GALNT18: variants seen among roughly 807,000 people sequenced by gnomAD.
The protein encoded by GALNT18 is GalNAc-transferase 18.
A neutral mutation model predicts 69.5 loss-of-function variants in GALNT18; 44 were observed. That is an observed-to-expected ratio of 0.63 (90% CI 0.50 to 0.81). The LOEUF (loss-of-function observed/expected upper bound fraction) is 0.81. Ranked by LOEUF, GALNT18 falls within the 40% of genes least tolerant of loss-of-function variation. The probability of loss-of-function intolerance (pLI) is 0.00; values close to 1 mark genes in which losing one functional copy is unlikely to be tolerated. For missense variants in GALNT18, 715 were observed against 810.0 expected (o/e 0.88, Z 1.42); for synonymous variants, 364 against 318.2 (o/e 1.14, Z -1.53).
chr11:11,377,387 G>T lies in GALNT18; in HGVS notation c.780-8C>A. On this transcript the variant is annotated splice_region_variant and splice_polypyrimidine_tract_variant and intron_variant, in intron 4 of 10. Transcript: ENST00000227756. This position sits in a 1 kb window ranked among gnomAD's most constrained non-coding sequence, Gnocchi z 4.6. ...GTGAGTACAGGTTCAGCCCTGGGCA[G>T]AGAGGAGACAGCCAGAGAGGGTAAC... 1 of 1,613,364 alleles carries T rather than the reference G, an allele frequency of 6.2e-7. No homozygotes were observed. The highest frequency in any genetic ancestry group is 1.1e-5 in the South Asian group (1 of 91,030).
chr11:11,307,978 G>A (rs7951515), intron 9 of GALNT18, among the ~76,000 whole-genome samples: 7,216 of 152,268 alleles, frequency 0.047, 580 homozygotes, highest in African/African-American at 0.16. Flanking sequence ...AGGGGTGACC[G>A]CAGTGGCTGC....
intron 10 of GALNT18, among the ~76,000 whole-genome samples, chr11:11,271,643 A>T (rs1848830801): frequency 1.2e-5 from 1 of 83,188 alleles, no homozygotes; most frequent in Non-Finnish European, 2.7e-5. Context: ...GTTTCTTGGG[A>T]CGACCCATCA....
Position 11,356,520 on chromosome 11 carries a change from T to C in GALNT18, c.1093-15516A>G, listed in dbSNP as rs185605856. On this transcript the variant is annotated intron_variant, in intron 6 of 10. Coordinates refer to ENST00000227756, the MANE Select transcript of GALNT18 (RefSeq NM_198516.3). This position sits in a 1 kb window ranked among gnomAD's most constrained non-coding sequence, Gnocchi z 4.4. ...TTGCTTTTTTCCAAAATTCAGGAAATTAAACATTGATACATGACTATTATC... is the reference window on the plus strand; with the variant it reads ...TTGCTTTTTTCCAAAATTCAGGAAACTAAACATTGATACATGACTATTATC... 1.3e-5 allele frequency among the ~76,000 whole-genome samples: 2 copies of C among 152,316 alleles called. No homozygotes were observed. The highest frequency in any genetic ancestry group is 1.5e-5 in the Non-Finnish European group (1 of 68,034).
chr11:11,450,870 A>G (rs189074337), intron 1 of GALNT18, among the ~76,000 whole-genome samples: 4 of 152,328 alleles, frequency 2.6e-5, no homozygotes, highest in Admixed American at 6.5e-5. Flanking sequence ...CACACAGAAG[A>G]AAGTGCAGTA....
chr11:11,372,684 A>G lies in GALNT18; in HGVS notation c.978-55T>C. On this transcript the variant is annotated intron_variant, in intron 5 of 10. Coordinates refer to ENST00000227756, the MANE Select transcript of GALNT18 (RefSeq NM_198516.3). The surrounding 1 kb of genome is among the most constrained non-coding windows in gnomAD (Gnocchi z 4.9). The stretch of plus-strand genomic sequence containing the variant: ...GTCTGGTGCAGCTGTCCGAGGAGTA[A>G]GAGCAGTAAGGCCTTCCTATCAGGA... The G allele has an allele frequency of 7.4e-7, 1 of 1,345,076 alleles. No individual in the cohort carries two copies. The highest frequency in any genetic ancestry group is 1.1e-6 in the Non-Finnish European group (1 of 942,152). The allele number at this position is 1,345,076 out of a possible 1,614,324, so 83.3% of individuals were successfully genotyped here.
intron 6 of GALNT18, among the ~76,000 whole-genome samples, chr11:11,369,960 G>A (rs935245856): frequency 6.6e-6 from 1 of 152,076 alleles, no homozygotes; most frequent in African/African-American, 2.4e-5. Flanking sequence ...AGATCACTGT[G>A]ATATATCTGT....
At chr11:11,525,498 G>A (rs1024936260) in intron 1 of GALNT18, among the ~76,000 whole-genome samples, 3 of 152,114 alleles carry the variant, frequency 2.0e-5, no homozygotes, top group Middle Eastern at 3.2e-3. Flanking sequence ...TTGAGACAGG[G>A]AAGAATGAGT....
At chr11:11,271,737 A>C (rs1848832720) in intron 10 of GALNT18, among the ~76,000 whole-genome samples, 1 of 152,156 alleles carries the variant, frequency 6.6e-6, no homozygotes, top group Non-Finnish European at 1.5e-5. Flanking sequence ...TGGAGTCATC[A>C]ATACTGGTTT....
rs1020726962 is a variant in GALNT18, at chr11:11,470,068, T to G, written c.236-21132A>C. ...TGTCCCTCCAATCTGCTTCTGCCTC[T>G]CAGGTTACTTTTGCCAATTGACAGG... On this transcript the variant is annotated intron_variant, in intron 1 of 10. Coordinates refer to ENST00000227756, the MANE Select transcript of GALNT18 (RefSeq NM_198516.3). The surrounding 1 kb of genome is among the most constrained non-coding windows in gnomAD (Gnocchi z 4.8). Among the ~76,000 whole-genome samples, 1 of 152,208 alleles carries G rather than the reference T, an allele frequency of 6.6e-6. No homozygotes were observed. Among genetic ancestry groups the G allele is most frequent in the African/African-American group, 2.4e-5 (1 of 41,456 alleles).
At chr11:11,527,196 A>G (rs1305332636) in intron 1 of GALNT18, among the ~76,000 whole-genome samples, 1 of 152,132 alleles carries the variant, frequency 6.6e-6, no homozygotes, top group Non-Finnish European at 1.5e-5. Context: ...CCAACTCTGC[A>G]CTAAGGATGG....
rs61001797 is a variant in GALNT18, at chr11:11,497,327, AACACACACACACACACACACACACAC to A, written c.236-48417_236-48392del. Among the ~76,000 whole-genome samples, 1 of 132,230 alleles carries A rather than the reference AACACACACACACACACACACACACAC, an allele frequency of 7.6e-6. No homozygotes were observed. 86.7% of individuals were successfully genotyped at this position (132,230 alleles called of 152,430 possible). A position where few individuals can be genotyped will look rare whatever the true frequency, so the allele number is the denominator to read the frequency against. On this transcript the variant is annotated intron_variant, in intron 1 of 10. Coordinates refer to ENST00000227756, the MANE Select transcript of GALNT18 (RefSeq NM_198516.3). The surrounding 1 kb of genome is among the most constrained non-coding windows in gnomAD (Gnocchi z 4.2). ...TATTTATGTTTTACCTCCTGTCTCC[AACACACACACACACACACACACACAC>A]ACACACACACACACACACCCCTTAG... is the stretch of plus-strand genomic sequence containing the variant.
intron 9 of GALNT18, among the ~76,000 whole-genome samples, chr11:11,308,680 C>T (rs1333549123): frequency 6.6e-6 from 1 of 152,122 alleles, no homozygotes; most frequent in African/African-American, 2.4e-5. Flanking sequence ...ACTCTTCCAC[C>T]CTAGTGTAAA....
intron 9 of GALNT18, among the ~76,000 whole-genome samples, chr11:11,301,295 T>C (rs906234392): frequency 2.0e-5 from 3 of 152,168 alleles, no homozygotes; most frequent in Admixed American, 6.5e-5. Flanking sequence ...ACATCCAGAA[T>C]GTGTATTAGA....
intron 6 of GALNT18, among the ~76,000 whole-genome samples, chr11:11,351,668 T>G (rs939636675): frequency 9.2e-5 from 14 of 152,164 alleles, no homozygotes; most frequent in Non-Finnish European, 1.5e-4. Context: ...CTTCTTTGTT[T>G]TGAAATAGGA....
intron 1 of GALNT18, among the ~76,000 whole-genome samples, chr11:11,585,576 G>A (rs1435397023): frequency 6.6e-6 from 1 of 151,960 alleles, no homozygotes; most frequent in African/African-American, 2.4e-5. Flanking sequence ...GGCTGGTCTC[G>A]AACTCCCGAC....
At chr11:11,352,592 CCA>C in intron 6 of GALNT18, 2 of 1,614,128 alleles carry the variant, frequency 1.2e-6, no homozygotes, top group Non-Finnish European at 1.7e-6. Context: ...CAGCCAAACC[CCA>C]GTCTATTAGT....
intron 1 of GALNT18, among the ~76,000 whole-genome samples, chr11:11,489,630 A>G (rs1479513229): frequency 2.0e-5 from 3 of 152,148 alleles, no homozygotes; most frequent in Non-Finnish European, 2.9e-5. Context: ...AACACCTGTG[A>G]CCTTAGGAAT....
intron 10 of GALNT18, among the ~76,000 whole-genome samples, chr11:11,284,677 T>A (rs1418529850): frequency 1.3e-5 from 2 of 152,218 alleles, no homozygotes; most frequent in East Asian, 1.9e-4. Flanking sequence ...CTTTCTTTTT[T>A]AATTAATTTT....
chr11:11,504,475 C>G (rs202138126), intron 1 of GALNT18, among the ~76,000 whole-genome samples: 155 of 152,096 alleles, frequency 1.0e-3, no homozygotes, highest in African/African-American at 3.6e-3. Context: ...ATCAGGTCAT[C>G]ACCGGGCGTG....
Sources: gnomAD v4.1 joint callset for allele counts (sites outside exome capture counted in the v4.1 genomes callset) on GRCh38, gnomAD v4.1.1 for gene constraint, Gnocchi (gnomAD v3.1) non-coding constraint, MANE v1.5 for transcripts, NCBI Gene and HGNC (gene_info 2026-07-23, HGNC 2026-07-21) for gene names.